The following TTLL7 variants were observed in gnomAD, a reference collection of about 807,000 sequenced individuals.
TTLL7 encodes the protein tubulin polyglutamylase TTLL7.
A neutral mutation model predicts 120.2 loss-of-function variants in TTLL7; 53 were observed. The ratio of observed to expected loss-of-function variants is 0.44; its 90% CI spans 0.35 to 0.55. TTLL7 has a LOEUF of 0.55. Among genes scored for constraint, TTLL7 ranks in the 20% least tolerant of loss-of-function variants. TTLL7 has a pLI of 0.00. For synonymous variants in TTLL7, 353 were observed against 351.7 expected (o/e 1.00, Z -0.04); for missense variants, 803 against 1,054.7 (o/e 0.76, Z 3.31).
intron 9 of TTLL7, 85 bp from the exon 10 acceptor site, chr1:83,929,315 T>G: frequency 1.0e-6 from 1 of 955,738 alleles, no homozygotes; most frequent in Non-Finnish European, 1.6e-6. Context: ...CTCTAGCCAG[T>G]AGAACAACTC....
intron 9 of TTLL7, 90 bp downstream of exon 9, chr1:83,933,518 G>A (rs1659774323): frequency 2.9e-6 from 4 of 1,357,472 alleles, no homozygotes; most frequent in Non-Finnish European, 4.0e-6. Context: ...CAGTTAATGG[G>A]ACAACTGTGT....
chr1:83,968,240 T>C (rs1024098924), intron 1 of TTLL7, among the ~76,000 whole-genome samples: 4 of 151,936 alleles, frequency 2.6e-5, no homozygotes, highest in Non-Finnish European at 4.4e-5. Context: ...GGCCATAATA[T>C]TATTGGACAA....
At chr1:83,907,917 T>C (rs1657343594) in intron 15 of TTLL7, among the ~76,000 whole-genome samples, 2 of 152,128 alleles carry the variant, frequency 1.3e-5, no homozygotes, top group Admixed American at 1.3e-4. Flanking sequence ...TTCAATGTTA[T>C]ATCCTGAAAA....
intron 7 of TTLL7, 80 bp from the exon 8 acceptor site, chr1:83,938,096 A>C: frequency 7.6e-7 from 1 of 1,313,128 alleles, no homozygotes; most frequent in Non-Finnish European, 1.1e-6. Flanking sequence ...AAAGACACTC[A>C]AAGACTAAAG....
chr1:83,890,440 T>C lies in TTLL7; in HGVS notation c.2250A>G (p.Pro750=), dbSNP rs781430011. 4 of 1,612,822 alleles carry C rather than the reference T, an allele frequency of 2.5e-6. No homozygotes were observed. The highest frequency in any genetic ancestry group is 3.4e-6 in the Non-Finnish European group (4 of 1,179,366). Residue 750 remains proline, a synonymous_variant, in exon 19 of 21, where the codon CCA becomes CCG. Transcript: ENST00000260505. ...CAACATCAGGCACCTTCCAGATGCG[T>C]GGAAGAACTGTACGAATACTTGTTT... ...IVKTSIRTVL[P]RIWKVPDVEE...
chr1:83,929,104 T>C (rs1659375492), intron 10 of TTLL7, 32 bp downstream of exon 10: 2 of 1,445,826 alleles, frequency 1.4e-6, no homozygotes, highest in Non-Finnish European at 1.9e-6. Context: ...AATGTGGAGA[T>C]AAATGTCCAA....
intron 1 of TTLL7, among the ~76,000 whole-genome samples, chr1:83,971,835 G>C (rs1203478775): frequency 6.6e-6 from 1 of 151,988 alleles, no homozygotes; most frequent in Admixed American, 6.6e-5. Context: ...CTTAATAATA[G>C]AATGTAAGAC....
intron 14 of TTLL7, chr1:83,912,919 G>A (rs986115384): frequency 6.6e-6 from 1 of 152,152 alleles, no homozygotes; most frequent in Non-Finnish European, 1.5e-5. Context: ...TGTTTCCTCA[G>A]AAGTTTAGCA....
At chr1:83,881,958 AATC>A (rs1654528694) in intron 20 of TTLL7, among the ~76,000 whole-genome samples, 1 of 151,180 alleles carries the variant, frequency 6.6e-6, no homozygotes, top group Non-Finnish European at 1.5e-5. Context: ...TGAAATTGGA[AATC>A]ATCATTCTCA....
At chr1:83,924,878 G>C (rs568622701) in intron 10 of TTLL7, among the ~76,000 whole-genome samples, 2 of 152,188 alleles carry the variant, frequency 1.3e-5, no homozygotes, top group African/African-American at 4.8e-5. Context: ...CCAAGGCAAA[G>C]GAAAAAGAAC....
At chr1:83,959,401 T>C (rs1392867734) in intron 1 of TTLL7, among the ~76,000 whole-genome samples, 1 of 152,218 alleles carries the variant, frequency 6.6e-6, no homozygotes, top group Non-Finnish European at 1.5e-5. Context: ...GACTTAGAAA[T>C]CACCTGGCCA....
chr1:83,969,728 AAAC>A (rs1650806969), intron 1 of TTLL7, among the ~76,000 whole-genome samples: 2 of 151,998 alleles, frequency 1.3e-5, no homozygotes, highest in Admixed American at 1.3e-4. Context: ...CTGTAACTGA[AAAC>A]AACCTAAAAG....
At chr1:83,914,269 T>C (rs1048286347) in intron 14 of TTLL7, among the ~76,000 whole-genome samples, 3 of 150,646 alleles carry the variant, frequency 2.0e-5, no homozygotes, top group African/African-American at 7.3e-5. Context: ...CATAACTCCA[T>C]ATCTTTGCCT....
intron 14 of TTLL7, among the ~76,000 whole-genome samples, chr1:83,913,554 CT>C (rs1657851910): frequency 6.6e-6 from 1 of 152,164 alleles, no homozygotes; most frequent in Admixed American, 6.6e-5. Context: ...TACCATCCCT[CT>C]AAAAAGGAAC....
chr1:83,935,305 C>A (rs529406822), intron 8 of TTLL7, among the ~76,000 whole-genome samples: 1 of 152,040 alleles, frequency 6.6e-6, no homozygotes, highest in Non-Finnish European at 1.5e-5. Context: ...GGGGTGGGGA[C>A]TGATTATTAA....
intron 1 of TTLL7, among the ~76,000 whole-genome samples, chr1:83,969,398 A>G (rs983527516): frequency 2.6e-5 from 4 of 151,954 alleles, no homozygotes; most frequent in African/African-American, 9.7e-5. Flanking sequence ...GTATATATAA[A>G]TCATCACTTT....
intron 1 of TTLL7, among the ~76,000 whole-genome samples, chr1:83,956,416 C>T (rs1272856879): frequency 1.4e-5 from 2 of 147,544 alleles, no homozygotes. Flanking sequence ...TGAGCTACTG[C>T]ACCTAGCCCA....
intron 9 of TTLL7, among the ~76,000 whole-genome samples, chr1:83,930,168 TA>T (rs1283278370): frequency 2.0e-5 from 3 of 152,186 alleles, no homozygotes; most frequent in Non-Finnish European, 4.4e-5. Context: ...AGTGTCGTGT[TA>T]ACCGTTTGGT....
chr1:83,964,507 C>T (rs1650279745), intron 1 of TTLL7, among the ~76,000 whole-genome samples: 1 of 152,054 alleles, frequency 6.6e-6, no homozygotes, highest in Non-Finnish European at 1.5e-5. Flanking sequence ...ATTATTGTTT[C>T]ATTATTTTAT....
Sources: allele counts gnomAD v4.1 joint callset (sites outside exome capture counted in the v4.1 genomes callset), GRCh38; gene constraint gnomAD v4.1.1; transcripts MANE v1.5; gene names NCBI Gene and HGNC (gene_info 2026-07-23, HGNC 2026-07-21).